MAP2K5: variants seen among roughly 807,000 people sequenced by gnomAD.
MAP2K5 encodes the protein dual specificity mitogen-activated protein kinase kinase 5.
MAP2K5 carries 49 observed loss-of-function variants against 83.1 expected under a neutral mutation model. The observed-to-expected ratio is 0.59, with a 90% CI of 0.47 to 0.75. MAP2K5 has a LOEUF of 0.75. Ranked by LOEUF, MAP2K5 falls within the 30% of genes least tolerant of loss-of-function variation. The pLI is 0.00. For missense variants in MAP2K5, 457 were observed against 557.5 expected (o/e 0.82, Z 1.82); for synonymous variants, 202 against 191.8 (o/e 1.05, Z -0.44).
intron 16 of MAP2K5, among the ~76,000 whole-genome samples, chr15:67,725,209 CA>C (rs1337010502): frequency 2.0e-5 from 3 of 150,934 alleles, no homozygotes; most frequent in Non-Finnish European, 4.4e-5. Context: ...CATTGTCTTA[CA>C]GAGCAAACAA....
Position 67,643,966 on chromosome 15 carries a change from G to A in MAP2K5, c.586-2265G>A, listed in dbSNP as rs575577539. On this transcript the variant is annotated intron_variant, in intron 9 of 21. Transcript: ENST00000178640. Reference sequence around the variant, plus strand: ...GTAATACAAAATGTAATTCAAAGTTGAATGCTACATAACTACACTATCATA... The same window carrying A: ...GTAATACAAAATGTAATTCAAAGTTAAATGCTACATAACTACACTATCATA... Among the ~76,000 whole-genome samples the A allele has an allele frequency of 3.3e-5, 5 of 152,234 alleles. No individual in the cohort carries two copies. The South Asian group carries it at 1.0e-3, about 32-fold the overall frequency.
intron 16 of MAP2K5, among the ~76,000 whole-genome samples, chr15:67,703,910 A>C (rs998365982): frequency 1.3e-5 from 2 of 152,202 alleles, no homozygotes; most frequent in Non-Finnish European, 2.9e-5. Flanking sequence ...AAATCACCTC[A>C]TTCCAGTATA....
intron 7 of MAP2K5, among the ~76,000 whole-genome samples, chr15:67,599,562 G>A (rs557068417): frequency 3.9e-5 from 6 of 152,108 alleles, no homozygotes; most frequent in Non-Finnish European, 8.8e-5. Flanking sequence ...TTAGAGTAGA[G>A]CAAAATATTT....
rs976407752 is a variant in MAP2K5 at position 67,783,924 on chromosome 15, C to T, written c.1242+11172C>T. The stretch of plus-strand genomic sequence containing the variant: ...CCAGAGCCTCTAATAGCCACACTAG[C>T]CAGTATTCATACTACAATTTATTTT... On this transcript the variant is annotated intron_variant, in intron 21 of 21. Transcript: ENST00000178640. The surrounding 1 kb of genome is among the most constrained non-coding windows in gnomAD (Gnocchi z 5.1). Among the ~76,000 whole-genome samples the T allele has an allele frequency of 6.6e-6, 1 of 152,136 alleles. No homozygotes were observed. The highest frequency in any genetic ancestry group is 1.5e-5 in the Non-Finnish European group (1 of 68,030).
rs2090420076 is a variant in MAP2K5 at position 67,786,477 on chromosome 15, TAAGA to T, written c.1242+13730_1242+13733del. ...TGCCATGATGGGTTCAGAAAGAATATAAGAAAGACCTATGTCTCAGGAGCAGACT... is the reference window on the plus strand; with the variant it reads ...TGCCATGATGGGTTCAGAAAGAATATAAGACCTATGTCTCAGGAGCAGACT... On this transcript the variant is annotated intron_variant, in intron 21 of 21. Transcript: ENST00000178640. This position sits in a 1 kb window ranked among gnomAD's most constrained non-coding sequence, Gnocchi z 4.7. Among the ~76,000 whole-genome samples the T allele has an allele frequency of 6.6e-6, 1 of 150,446 alleles. No individual in the cohort carries two copies. Among genetic ancestry groups the T allele is most frequent in the African/African-American group, 2.4e-5 (1 of 41,282 alleles).
chr15:67,614,903 A>G (rs909765257), intron 8 of MAP2K5, among the ~76,000 whole-genome samples: 1 of 152,202 alleles, frequency 6.6e-6, no homozygotes, highest in Non-Finnish European at 1.5e-5. Context: ...TTGATTTATG[A>G]GCCCTATGTA....
chr15:67,592,722 A>C (rs906173323), intron 6 of MAP2K5, among the ~76,000 whole-genome samples: 20 of 152,284 alleles, frequency 1.3e-4, no homozygotes, highest in African/African-American at 4.8e-4. Flanking sequence ...ATTGCTTTTG[A>C]TTACTAACAG....
In MAP2K5 at chr15:67,768,961, A is replaced by C. The variant is rs1208148189; in HGVS notation, c.1135-641A>C. ...TTTGACTGACTCCCACCTCCATCCT[A>C]GTTTTGGTTGGTGGTCAAGTTGGGA... is the stretch of plus-strand genomic sequence containing the variant. On this transcript the variant is annotated intron_variant, in intron 19 of 21. Transcript: ENST00000178640. The surrounding 1 kb of genome is among the most constrained non-coding windows in gnomAD (Gnocchi z 4.0). 2.6e-5 allele frequency among the ~76,000 whole-genome samples: 4 copies of C among 152,092 alleles called. No homozygotes were observed. Among genetic ancestry groups the C allele is most frequent in the Non-Finnish European group, 5.9e-5 (4 of 68,024 alleles).
rs1166535118 is a variant in MAP2K5, at chr15:67,717,912, G to T, written c.1045-10004G>T. The T allele has an allele frequency of 6.6e-6, 1 of 152,212 alleles. No homozygotes were observed. Among genetic ancestry groups the T allele is most frequent in the Non-Finnish European group, 1.5e-5 (1 of 68,066 alleles). The allele number at this position is 152,212 out of a possible 1,614,324, so 9.4% of individuals were successfully genotyped here. ...AGGATTGTTCCTGCCACATTCTGTT[G>T]ATCACAGTGTAGGTTCTTGATGATG... On this transcript the variant is annotated intron_variant, in intron 16 of 21. Transcript: ENST00000178640. This position sits in a 1 kb window ranked among gnomAD's most constrained non-coding sequence, Gnocchi z 4.1.
intron 8 of MAP2K5, among the ~76,000 whole-genome samples, chr15:67,602,577 C>A (rs1393870253): frequency 2.0e-5 from 3 of 152,152 alleles, no homozygotes; most frequent in African/African-American, 7.2e-5. Flanking sequence ...GACCATGAAA[C>A]CCCAGCAGAA....
chr15:67,802,408 CCT>C lies in MAP2K5; in HGVS notation c.1243-4237_1243-4236del, dbSNP rs1370944235. 2.0e-5 allele frequency among the ~76,000 whole-genome samples: 3 copies of C among 152,256 alleles called. No homozygotes were observed. The highest frequency in any genetic ancestry group is 4.4e-5 in the Non-Finnish European group (3 of 68,048). ...TGATGCCGGCACCTCCCGACTCTCC[CCT>C]GTGTCCCACTTTTGGAGTCATCCTG... On this transcript the variant is annotated intron_variant, in intron 21 of 21. Coordinates refer to ENST00000178640, the MANE Select transcript of MAP2K5 (RefSeq NM_145160.3). The surrounding 1 kb of genome is among the most constrained non-coding windows in gnomAD (Gnocchi z 5.0).
rs993844336 is a variant in MAP2K5, at chr15:67,561,714, A to G, written c.185-1569A>G. Among the ~76,000 whole-genome samples the G allele has an allele frequency of 2.0e-5, 3 of 152,220 alleles. No homozygotes were observed. Among genetic ancestry groups the G allele is most frequent in the Non-Finnish European group, 4.4e-5 (3 of 68,040 alleles). ...AGGACTGGTCCAAGTGCTGGTTTCG[A>G]TCATGCTATCAGATTGCTGTTGGCC... On this transcript the variant is annotated intron_variant, in intron 2 of 21. Coordinates refer to ENST00000178640, the MANE Select transcript of MAP2K5 (RefSeq NM_145160.3). This position sits in a 1 kb window ranked among gnomAD's most constrained non-coding sequence, Gnocchi z 4.2.
Position 67,569,005 on chromosome 15 carries a change from C to CAA in MAP2K5, c.252+5668_252+5669dup, listed in dbSNP as rs71142380. 1.6e-3 allele frequency among the ~76,000 whole-genome samples: 144 copies of CAA among 91,136 alleles called. 1 individual carries two copies. The highest frequency in any genetic ancestry group is 2.7e-3 in the African/African-American group (63 of 23,488). The allele number at this position is 91,136 out of a possible 152,430, so 59.8% of individuals were successfully genotyped here. On this transcript the variant is annotated intron_variant, in intron 3 of 21. Transcript: ENST00000178640. ...TGGGCGACAGAGCAAGACTCCATCT[C>CAA]AAAAAAAAAAAAAACAAAAAAAAAA...
At position 67,652,343 on chromosome 15, in the gene MAP2K5, G is replaced by C. The variant is rs2086972362; in HGVS notation, c.736+5874G>C. ...TACCTGAGACTGGGTAATTTATAAA[G>C]AAAAGTGGTTTATTTGGCTTATTAT... On this transcript the variant is annotated intron_variant, in intron 11 of 21. Coordinates refer to ENST00000178640, the MANE Select transcript of MAP2K5 (RefSeq NM_145160.3). The surrounding 1 kb of genome is among the most constrained non-coding windows in gnomAD (Gnocchi z 4.2). 6.6e-6 allele frequency among the ~76,000 whole-genome samples: 1 copy of C among 152,156 alleles called. No individual in the cohort carries two copies. Among genetic ancestry groups the C allele is most frequent in the South Asian group, 2.1e-4 (1 of 4,826 alleles).
Position 67,738,647 on chromosome 15 carries a change from T to C in MAP2K5, c.1075-9584T>C, listed in dbSNP as rs983166308. On this transcript the variant is annotated intron_variant, in intron 17 of 21. Coordinates refer to ENST00000178640, the MANE Select transcript of MAP2K5 (RefSeq NM_145160.3). This position sits in a 1 kb window ranked among gnomAD's most constrained non-coding sequence, Gnocchi z 4.1. ...TGCCCTAGGTTAGTAATTTACAGAA[T>C]TGTGGGTAGACAGTGTATAGAGGAG... 2.6e-5 allele frequency among the ~76,000 whole-genome samples: 4 copies of C among 152,204 alleles called. No individual in the cohort carries two copies. The highest frequency in any genetic ancestry group is 9.7e-5 in the African/African-American group (4 of 41,448).
chr15:67,674,715 T>C (rs2087635851), intron 13 of MAP2K5, among the ~76,000 whole-genome samples: 1 of 152,184 alleles, frequency 6.6e-6, no homozygotes, highest in Non-Finnish European at 1.5e-5. Context: ...TTTAAAAGAA[T>C]ATGTGCCTAG....
In MAP2K5 at chr15:67,782,440, T is replaced by G. The variant is rs2090343439; in HGVS notation, c.1242+9688T>G. Among the ~76,000 whole-genome samples the G allele has an allele frequency of 6.6e-6, 1 of 152,202 alleles. No individual in the cohort carries two copies. The highest frequency in any genetic ancestry group is 1.5e-5 in the Non-Finnish European group (1 of 68,032). On this transcript the variant is annotated intron_variant, in intron 21 of 21. Coordinates refer to ENST00000178640, the MANE Select transcript of MAP2K5 (RefSeq NM_145160.3). This position sits in a 1 kb window ranked among gnomAD's most constrained non-coding sequence, Gnocchi z 4.9. ...AATCGATTTTTGTCTTGTTTACACT[T>G]TCAAACCCCTGTGATATACTGGAAG...
At chr15:67,625,452 C>T (rs2086296432) in intron 8 of MAP2K5, among the ~76,000 whole-genome samples, 1 of 152,212 alleles carries the variant, frequency 6.6e-6, no homozygotes, top group Non-Finnish European at 1.5e-5. Context: ...GTGGCAACAA[C>T]AAACTAATTT....
Position 67,732,073 on chromosome 15 carries a change from G to A in MAP2K5, c.1074+4128G>A, listed in dbSNP as rs185077723. ...TGCTTGTGAAGCATATTCTGCAATAGGATAATGAAAAATTGCATTTTTAAA... is the reference window on the plus strand; with the variant it reads ...TGCTTGTGAAGCATATTCTGCAATAAGATAATGAAAAATTGCATTTTTAAA... On this transcript the variant is annotated intron_variant, in intron 17 of 21. Transcript: ENST00000178640. Among the ~76,000 whole-genome samples the A allele has an allele frequency of 2.3e-4, 35 of 152,250 alleles. No homozygotes were observed. The East Asian group carries it at 4.2e-3, about 18-fold the overall frequency.
Sources: allele counts gnomAD v4.1 joint callset (sites outside exome capture counted in the v4.1 genomes callset), GRCh38; gene constraint gnomAD v4.1.1; non-coding constraint Gnocchi (gnomAD v3.1); transcripts MANE v1.5; gene names NCBI Gene and HGNC (gene_info 2026-07-23, HGNC 2026-07-21).